Variants in TASP1 observed in about 807,000 individuals in gnomAD.
TASP1 encodes threonine aspartase 1.
Under a neutral mutation model 56.6 loss-of-function variants are expected in TASP1, and 16 were observed. That is an observed-to-expected ratio of 0.28 (90% confidence interval 0.19 to 0.43). The LOEUF is 0.43. Ranked by LOEUF, TASP1 falls within the 20% of genes least tolerant of loss-of-function variation. The pLI is 1.00. For missense variants in TASP1, 393 were observed against 511.6 expected, an observed-to-expected ratio of 0.77 and a Z score of 2.24; for synonymous variants, 179 against 184.2, an observed-to-expected ratio of 0.97 and a Z score of 0.23.
At chr20:13,417,720 C>T (rs6042084) in intron 12 of TASP1, among the ~76,000 whole-genome samples, 199 bp from the exon 13 acceptor site, 9,664 of 152,218 alleles carry the variant, frequency 0.063, 455 homozygotes, top group African/African-American at 0.13. Flanking sequence ...AAAAATGTAT[C>T]TCTTTCCTGT....
At chr20:13,512,666 A>G (rs943612795) in intron 10 of TASP1, among the ~76,000 whole-genome samples, 3 of 152,136 alleles carry the variant, frequency 2.0e-5, no homozygotes, top group East Asian at 1.9e-4. Flanking sequence ...TTAGTCATGA[A>G]GTCTTTGCCC....
the TASP1 span, among the ~76,000 whole-genome samples, chr20:13,294,067 G>T: frequency 6.6e-6 from 1 of 152,166 alleles, no homozygotes; most frequent in Non-Finnish European, 1.5e-5. Context: ...AAAATGAAAA[G>T]CTTTATCCAA....
chr20:13,338,636 T>C, the TASP1 span, among the ~76,000 whole-genome samples: 2 of 152,164 alleles, frequency 1.3e-5, no homozygotes, highest in Admixed American at 6.5e-5. Context: ...TTCAGTAGGG[T>C]TTCATGCTAA....
intron 10 of TASP1, among the ~76,000 whole-genome samples, chr20:13,500,428 G>A (rs949169352): frequency 4.0e-5 from 6 of 151,122 alleles, no homozygotes; most frequent in African/African-American, 7.3e-5. Flanking sequence ...GAAATAGTGT[G>A]ACTGGGAAAC....
intron 10 of TASP1, among the ~76,000 whole-genome samples, chr20:13,487,823 A>T (rs2043382215): frequency 6.6e-6 from 1 of 152,172 alleles, no homozygotes; most frequent in South Asian, 2.1e-4. Flanking sequence ...CAAATAGTAA[A>T]TATTTTAGGC....
chr20:13,519,680 A>T (rs1032570904), intron 10 of TASP1, among the ~76,000 whole-genome samples: 3 of 152,188 alleles, frequency 2.0e-5, no homozygotes, highest in Admixed American at 1.3e-4. Context: ...GAATGGGCAA[A>T]AACTGGAAGC....
At chr20:13,167,673 G>A in the TASP1 span, 3 of 152,136 alleles carry the variant, frequency 2.0e-5, no homozygotes, top group Non-Finnish European at 4.4e-5. Flanking sequence ...TGGTGTCATG[G>A]ACGTTTAACC....
chr20:13,526,840 G>C (rs531937443), intron 10 of TASP1, among the ~76,000 whole-genome samples: 2 of 152,266 alleles, frequency 1.3e-5, no homozygotes, highest in Admixed American at 1.3e-4. Flanking sequence ...AGCAATGAAA[G>C]AGATAGAGGA....
downstream of TASP1, among the ~76,000 whole-genome samples, chr20:13,385,392 C>T (rs192550727): frequency 3.3e-5 from 5 of 152,322 alleles, no homozygotes; most frequent in African/African-American, 9.6e-5. Flanking sequence ...GACTTAGTTG[C>T]GAACTTCACA....
At chr20:13,310,491 A>G in the TASP1 span, among the ~76,000 whole-genome samples, 1 of 152,170 alleles carries the variant, frequency 6.6e-6, no homozygotes, top group Admixed American at 6.5e-5. Context: ...AACAGGAAAA[A>G]AAATGTATTG....
intron 4 of TASP1, among the ~76,000 whole-genome samples, 159 bp from the exon 5 acceptor site, chr20:13,587,529 T>G (rs1555796648): frequency 6.6e-6 from 1 of 151,820 alleles, no homozygotes; most frequent in Admixed American, 6.6e-5. Context: ...GACAAAGATA[T>G]CAGCAGCAAA....
chr20:13,534,301 C>T (rs1033660720), intron 8 of TASP1, among the ~76,000 whole-genome samples, 160 bp from the exon 9 acceptor site: 1 of 151,194 alleles, frequency 6.6e-6, no homozygotes, highest in Non-Finnish European at 1.5e-5. Flanking sequence ...TATCAAGTTG[C>T]CATTTAAATC....
intron 4 of TASP1, among the ~76,000 whole-genome samples, chr20:13,588,612 A>G (rs1006374200): frequency 1.3e-5 from 2 of 152,218 alleles, no homozygotes; most frequent in Admixed American, 1.3e-4. Flanking sequence ...TAAAAGAAGT[A>G]TAAGACTTGT....
At chr20:13,160,048 C>T in the TASP1 span, 2 of 1,612,700 alleles carry the variant, frequency 1.2e-6, no homozygotes, top group East Asian at 2.2e-5. Flanking sequence ...GAGTGGTGGT[C>T]GTGGGATTTC....
intron 12 of TASP1, among the ~76,000 whole-genome samples, chr20:13,418,621 T>C (rs1289963635): frequency 6.6e-6 from 1 of 152,238 alleles, no homozygotes; most frequent in Non-Finnish European, 1.5e-5. Context: ...TGAAGAAGGA[T>C]GGGCTATTTA....
the TASP1 span, among the ~76,000 whole-genome samples, chr20:13,261,156 G>A: frequency 3.0e-4 from 46 of 152,294 alleles, no homozygotes; most frequent in Middle Eastern, 3.4e-3. Flanking sequence ...GCTCATGCCC[G>A]TAATCCCAGC....
intron 13 of TASP1, among the ~76,000 whole-genome samples, chr20:13,406,675 T>C (rs1436459456): frequency 2.0e-5 from 3 of 149,496 alleles, no homozygotes; most frequent in Non-Finnish European, 3.0e-5. Context: ...TTTCTTTTTT[T>C]TTTTTTTTTT....
chr20:13,153,264 G>A, the TASP1 span, among the ~76,000 whole-genome samples: 2,797 of 152,200 alleles, frequency 0.018, 54 homozygotes, highest in South Asian at 0.03. Flanking sequence ...TCTCACATGC[G>A]TGAACTCTGC....
the TASP1 span, among the ~76,000 whole-genome samples, chr20:13,321,941 T>C: frequency 6.6e-6 from 1 of 152,186 alleles, no homozygotes; most frequent in East Asian, 1.9e-4. Flanking sequence ...CATGCCTTCG[T>C]TTCTTCATTG....
Sources: gnomAD v4.1 joint callset for allele counts (sites outside exome capture counted in the v4.1 genomes callset) on GRCh38, gnomAD v4.1.1 for gene constraint, MANE v1.5 for transcripts, NCBI Gene and HGNC (gene_info 2026-07-23, HGNC 2026-07-21) for gene names.